ARB2A: variants seen among roughly 807,000 people sequenced by gnomAD.
The protein encoded by ARB2A is ARB2 cotranscriptional regulator A, also known as cotranscriptional regulator ARB2A.
chr5:93,852,877 G>C, the ARB2A span, among the ~76,000 whole-genome samples: 1 of 152,200 alleles, frequency 6.6e-6, no homozygotes, highest in Non-Finnish European at 1.5e-5. Flanking sequence ...ATAGTTTGAA[G>C]TCAGGTAGCG....
At chr5:93,689,379 A>G in the ARB2A span, among the ~76,000 whole-genome samples, 2 of 152,196 alleles carry the variant, frequency 1.3e-5, no homozygotes, top group Admixed American at 6.5e-5. Context: ...GAGTGGCTGA[A>G]TATAAGTGAA....
chr5:93,883,539 T>G, the ARB2A span, among the ~76,000 whole-genome samples: 1 of 151,654 alleles, frequency 6.6e-6, no homozygotes, highest in African/African-American at 2.4e-5. Flanking sequence ...CACTGTCAGG[T>G]AGACAGATTG....
chr5:93,881,913 A>C, the ARB2A span, among the ~76,000 whole-genome samples: 1 of 151,356 alleles, frequency 6.6e-6, no homozygotes, highest in Admixed American at 6.6e-5. Context: ...ATAAGAACAA[A>C]AAATATAATT....
chr5:94,036,941 C>T, the ARB2A span, among the ~76,000 whole-genome samples: 1 of 152,120 alleles, frequency 6.6e-6, no homozygotes, highest in Non-Finnish European at 1.5e-5. Flanking sequence ...ATCTCTAATT[C>T]ATTTGGAGTT....
the ARB2A span, among the ~76,000 whole-genome samples, chr5:93,720,427 G>A: frequency 3.2e-4 from 48 of 152,234 alleles, no homozygotes; most frequent in African/African-American, 1.1e-3. Flanking sequence ...GTTAAGATCA[G>A]CTAAATCATT....
chr5:93,887,895 G>A, the ARB2A span, among the ~76,000 whole-genome samples: 6 of 151,778 alleles, frequency 4.0e-5, no homozygotes, highest in Admixed American at 2.0e-4. Flanking sequence ...TTACTGAACC[G>A]CTGTAGTTGG....
At chr5:93,977,430 T>G in the ARB2A span, among the ~76,000 whole-genome samples, 1 of 151,928 alleles carries the variant, frequency 6.6e-6, no homozygotes, top group African/African-American at 2.4e-5. Flanking sequence ...CATAGGCCAA[T>G]GGAACAGAAT....
chr5:94,088,872 G>A, the ARB2A span, among the ~76,000 whole-genome samples: 1 of 152,150 alleles, frequency 6.6e-6, no homozygotes, highest in Non-Finnish European at 1.5e-5. Flanking sequence ...AAAAATGAAG[G>A]CTGAGAATTC....
the ARB2A span, among the ~76,000 whole-genome samples, chr5:93,983,173 GTGTGTGTGTGTGT>G: frequency 5.7e-3 from 4 of 702 alleles, no homozygotes; most frequent in South Asian, 0.029. Context: ...GTGGAGAGGT[GTGTGTGTGTGTGT>G]GTGTGTGTGT....
chr5:93,731,818 G>T, the ARB2A span, among the ~76,000 whole-genome samples: 1 of 152,168 alleles, frequency 6.6e-6, no homozygotes, highest in Non-Finnish European at 1.5e-5. Flanking sequence ...CATTCAGGCT[G>T]CACAGTTTTA....
chr5:93,890,673 T>A, the ARB2A span, among the ~76,000 whole-genome samples: 1 of 152,018 alleles, frequency 6.6e-6, no homozygotes, highest in Non-Finnish European at 1.5e-5. Context: ...GGCTCTGAAG[T>A]AAGCCATGCA....
At chr5:93,899,480 A>G in the ARB2A span, among the ~76,000 whole-genome samples, 2 of 152,114 alleles carry the variant, frequency 1.3e-5, no homozygotes, top group Admixed American at 1.3e-4. Context: ...TTGATTATGT[A>G]GTCATTTTCC....
the ARB2A span, among the ~76,000 whole-genome samples, chr5:94,045,515 T>G: frequency 6.6e-6 from 1 of 152,166 alleles, no homozygotes; most frequent in Non-Finnish European, 1.5e-5. Flanking sequence ...CTTCTAGCTC[T>G]TAAATGGAAG....
the ARB2A span, among the ~76,000 whole-genome samples, chr5:93,650,591 GA>G: frequency 2.0e-5 from 3 of 151,844 alleles, no homozygotes; most frequent in Non-Finnish European, 4.4e-5. Context: ...GAATAGGGGA[GA>G]AAAAAATATT....
chr5:94,028,917 T>C, the ARB2A span, among the ~76,000 whole-genome samples: 1 of 152,074 alleles, frequency 6.6e-6, no homozygotes, highest in African/African-American at 2.4e-5. Context: ...CAATTGCCCC[T>C]AAAAGTATAG....
At chr5:93,875,724 A>C in the ARB2A span, among the ~76,000 whole-genome samples, 1 of 152,224 alleles carries the variant, frequency 6.6e-6, no homozygotes, top group East Asian at 1.9e-4. Flanking sequence ...ACAATAATAC[A>C]TTTTTATGCT....
chr5:93,901,131 A>G, the ARB2A span, among the ~76,000 whole-genome samples: 2 of 152,200 alleles, frequency 1.3e-5, no homozygotes, highest in African/African-American at 4.8e-5. Flanking sequence ...ACTGCTAGCC[A>G]ACCTTTTAGA....
At chr5:93,983,582 G>A in the ARB2A span, among the ~76,000 whole-genome samples, 1 of 152,096 alleles carries the variant, frequency 6.6e-6, no homozygotes, top group Non-Finnish European at 1.5e-5. Flanking sequence ...ACATAGAGAG[G>A]AAATGACATA....
chr5:93,764,617 C>T, the ARB2A span, among the ~76,000 whole-genome samples: 2 of 152,166 alleles, frequency 1.3e-5, no homozygotes, highest in African/African-American at 4.8e-5. Context: ...ACAAGAGGTA[C>T]AAACAGGAGC....
Sources: gnomAD v4.1 joint callset for allele counts (sites outside exome capture counted in the v4.1 genomes callset) on GRCh38, gnomAD v4.1.1 for gene constraint, MANE v1.5 for transcripts, NCBI Gene and HGNC (gene_info 2026-07-23, HGNC 2026-07-21) for gene names.